NOL4: variants seen among roughly 807,000 people sequenced by gnomAD.
NOL4 encodes the protein cancer/testis antigen 125.
A neutral mutation model predicts 75.9 loss-of-function variants in NOL4; 17 were observed. The ratio of observed to expected loss-of-function variants is 0.22; its 90% CI spans 0.15 to 0.34. NOL4 has a LOEUF of 0.34. Ranked by LOEUF, NOL4 falls within the 10% of genes least tolerant of loss-of-function variation. The pLI, the probability that NOL4 is intolerant of heterozygous loss-of-function variation, is 1.00. For missense variants in NOL4, 614 were observed against 793.5 expected (o/e 0.77, Z 2.72); for synonymous variants, 292 against 289.9 (o/e 1.01, Z -0.07).
intron 1 of NOL4, among the ~76,000 whole-genome samples, chr18:34,132,290 C>T (rs1476639390): frequency 3.3e-5 from 5 of 152,164 alleles, no homozygotes; most frequent in Admixed American, 2.6e-4. Flanking sequence ...ATAATGTTTA[C>T]AAGTTTCAAG....
At chr18:34,217,710 T>C (rs181763591) in intron 1 of NOL4, among the ~76,000 whole-genome samples, 1 of 152,232 alleles carries the variant, frequency 6.6e-6, no homozygotes. Flanking sequence ...TAGCATTTAC[T>C]ATGTCCCCGG....
At chr18:34,099,308 A>T (rs1473422310) in intron 4 of NOL4, among the ~76,000 whole-genome samples, 1 of 143,664 alleles carries the variant, frequency 7.0e-6, no homozygotes, top group Non-Finnish European at 1.5e-5. Flanking sequence ...GGTTGCAGTG[A>T]GCCGAGATCG....
At chr18:33,920,130 G>A (rs1322645700) in intron 9 of NOL4, among the ~76,000 whole-genome samples, 1 of 151,876 alleles carries the variant, frequency 6.6e-6, no homozygotes, top group Non-Finnish European at 1.5e-5. Flanking sequence ...ATTTCATATT[G>A]TATAAGAGTT....
chr18:34,224,408 T>C lies in NOL4; in HGVS notation c.-1155A>G, dbSNP rs999112304. On this transcript the variant is annotated 5_prime_UTR_variant, in exon 1 of 11. Coordinates refer to ENST00000261592, the MANE Select transcript of NOL4 (RefSeq NM_003787.5). The stretch of plus-strand genomic sequence containing the variant: ...CTCCACTGCTCTGAGTAGCCAAATA[T>C]GAGTTCCTCTGGACTATTTTTCCAA... 4 of 152,366 alleles carry C rather than the reference T, an allele frequency of 2.6e-5. No individual in the cohort carries two copies. Among genetic ancestry groups the C allele is most frequent in the African/African-American group, 9.6e-5 (4 of 41,462 alleles). The allele number at this position is 152,366 out of a possible 1,614,324, so 9.4% of individuals were successfully genotyped here. A position where few individuals can be genotyped will look rare whatever the true frequency, so the allele number is the denominator to read the frequency against.
At chr18:33,976,602 TAG>T (rs2071506176) in intron 6 of NOL4, among the ~76,000 whole-genome samples, 1 of 152,138 alleles carries the variant, frequency 6.6e-6, no homozygotes, top group Non-Finnish European at 1.5e-5. Context: ...GAATATCATT[TAG>T]ATTTTGGGAA....
chr18:33,869,452 T>G (rs1293796163), intron 10 of NOL4, among the ~76,000 whole-genome samples: 1 of 151,984 alleles, frequency 6.6e-6, no homozygotes, highest in East Asian at 1.9e-4. Flanking sequence ...GTATCCTTTT[T>G]GCTCTTAGAG....
intron 5 of NOL4, among the ~76,000 whole-genome samples, chr18:34,049,171 G>C (rs548938416): frequency 6.6e-4 from 100 of 151,538 alleles, no homozygotes; most frequent in Non-Finnish European, 1.1e-3. Context: ...GTTTCAGGGT[G>C]GGGGAGGGGT....
chr18:34,002,252 A>AT (rs969644043), intron 6 of NOL4, among the ~76,000 whole-genome samples: 10 of 151,778 alleles, frequency 6.6e-5, no homozygotes, highest in South Asian at 4.2e-4. Context: ...TTTCAGACTC[A>AT]TTTTTTTCCA....
At chr18:34,024,528 G>A (rs16959957) in intron 5 of NOL4, among the ~76,000 whole-genome samples, 100,351 of 151,626 alleles carry the variant, frequency 0.66, 33,558 homozygotes, top group African/African-American at 0.74. Context: ...TACCCCTTGT[G>A]GTCTCTGCTC....
At chr18:33,916,908 A>G (rs747018657) in intron 9 of NOL4, among the ~76,000 whole-genome samples, 3 of 152,138 alleles carry the variant, frequency 2.0e-5, no homozygotes, top group African/African-American at 4.8e-5. Context: ...TAAAATAGTC[A>G]TTAAAATAAA....
At chr18:33,918,618 G>T (rs2066862931) in intron 9 of NOL4, among the ~76,000 whole-genome samples, 1 of 152,126 alleles carries the variant, frequency 6.6e-6, no homozygotes, top group Non-Finnish European at 1.5e-5. Context: ...GTGCCATTTG[G>T]AAGAAGTAAA....
At chr18:34,005,259 C>T (rs1455077778) in intron 6 of NOL4, among the ~76,000 whole-genome samples, 1 of 152,030 alleles carries the variant, frequency 6.6e-6, no homozygotes, top group Non-Finnish European at 1.5e-5. Flanking sequence ...CCATCTACTC[C>T]ATCTCTCTCT....
chr18:33,939,181 C>T (rs2145520248), intron 9 of NOL4, among the ~76,000 whole-genome samples: 1 of 152,122 alleles, frequency 6.6e-6, no homozygotes, highest in South Asian at 2.1e-4. Context: ...TTACTGTAGC[C>T]TTGTAGTATA....
At chr18:34,159,309 G>A (rs969595357) in intron 1 of NOL4, among the ~76,000 whole-genome samples, 3 of 152,162 alleles carry the variant, frequency 2.0e-5, no homozygotes, top group South Asian at 2.1e-4. Context: ...CCGCGGCAAC[G>A]GCCGGAGGAG....
chr18:33,891,097 A>G (rs2065067012), intron 9 of NOL4, among the ~76,000 whole-genome samples: 2 of 151,796 alleles, frequency 1.3e-5, no homozygotes, highest in Non-Finnish European at 1.5e-5. Context: ...ATTCTTCCAT[A>G]CTATAATAGG....
At chr18:33,915,612 G>A (rs2066672376) in intron 9 of NOL4, among the ~76,000 whole-genome samples, 2 of 152,052 alleles carry the variant, frequency 1.3e-5, no homozygotes, top group Non-Finnish European at 2.9e-5. Flanking sequence ...TCCTAAATAA[G>A]AGTGGAGAAG....
At chr18:34,181,129 A>G (rs2033996486) in intron 1 of NOL4, among the ~76,000 whole-genome samples, 1 of 151,486 alleles carries the variant, frequency 6.6e-6, no homozygotes, top group Non-Finnish European at 1.5e-5. Flanking sequence ...CAATCTGAAA[A>G]AGAATAAAGT....
chr18:34,180,106 G>A (rs2033908224), intron 1 of NOL4, among the ~76,000 whole-genome samples: 1 of 151,498 alleles, frequency 6.6e-6, no homozygotes. Context: ...AAAATTAGAA[G>A]AGGGAGAGGA....
At chr18:33,962,361 A>G (rs2070212656) in intron 6 of NOL4, among the ~76,000 whole-genome samples, 1 of 152,234 alleles carries the variant, frequency 6.6e-6, no homozygotes, top group African/African-American at 2.4e-5. Context: ...TCAAATATAT[A>G]GATGGCCCCA....
Sources: gnomAD v4.1 joint callset for allele counts (sites outside exome capture counted in the v4.1 genomes callset) on GRCh38, gnomAD v4.1.1 for gene constraint, MANE v1.5 for transcripts, NCBI Gene and HGNC (gene_info 2026-07-23, HGNC 2026-07-21) for gene names.